SPINK1: variants seen among roughly 807,000 people sequenced by gnomAD.
SPINK1 encodes the protein serine protease inhibitor Kazal-type 1.
In SPINK1, 5 loss-of-function variants were observed where a neutral mutation model predicts 9.5. The ratio of observed to expected loss-of-function variants is 0.52; its 90% confidence interval spans 0.27 to 1.10. The LOEUF (loss-of-function observed/expected upper bound fraction) is 1.10. Among genes scored for constraint, SPINK1 ranks in the 50% least tolerant of loss-of-function variants. The pLI, the probability that SPINK1 is intolerant of heterozygous loss-of-function variation, is 0.11. For missense variants in SPINK1, 88 were observed against 92.7 expected, an observed-to-expected ratio of 0.95 and a Z score of 0.21; for synonymous variants, 37 against 32.3, an observed-to-expected ratio of 1.14 and a Z score of -0.49.
intron 1 of SPINK1, 25 bp from the exon 2 acceptor site, chr5:147,829,655 G>T (rs369957138): frequency 2.5e-6 from 4 of 1,608,906 alleles, no homozygotes; most frequent in Middle Eastern, 1.7e-4. Flanking sequence ...GATATGGTAA[G>T]TTGGGTCCTA....
upstream of SPINK1, among the ~76,000 whole-genome samples, chr5:147,835,110 A>G (rs991430059): frequency 6.6e-6 from 1 of 152,076 alleles, no homozygotes; most frequent in Admixed American, 6.6e-5. Flanking sequence ...GCAGACAACA[A>G]GTTAAAGAGG....
At position 147,831,621 on chromosome 5, in the gene SPINK1, A is replaced by C. The variant is rs1448285126; in HGVS notation, c.-44T>G. 6.2e-7 allele frequency: 1 copy of C among 1,610,602 alleles called. No homozygotes were observed. The highest frequency in any genetic ancestry group is 8.5e-7 in the Non-Finnish European group (1 of 1,178,830). On this transcript the variant is annotated 5_prime_UTR_variant, in exon 1 of 4. Coordinates refer to ENST00000296695, the MANE Select transcript of SPINK1 (RefSeq NM_001379610.1). ...AGAGGTCAGTTGAAAACTGCACCGC[A>C]CTTACCACGTCTCTTCAGAAGCCTG...
the SPINK1 span, among the ~76,000 whole-genome samples, chr5:147,838,716 G>A: frequency 9.9e-5 from 15 of 151,936 alleles, no homozygotes; most frequent in African/African-American, 3.6e-4. Context: ...CAAATCTTTG[G>A]TTTAGAGTCT....
chr5:147,829,460 G>A (rs1258441606), intron 2 of SPINK1, 139 bp downstream of exon 2: 2 of 763,408 alleles, frequency 2.6e-6, no homozygotes, highest in Non-Finnish European at 4.5e-6. Context: ...ACTACCATTT[G>A]CATTTCTCAC....
intron 1 of SPINK1, 58 bp from the exon 2 acceptor site, chr5:147,829,688 C>T (rs2127136165): frequency 6.7e-7 from 1 of 1,492,098 alleles, no homozygotes; most frequent in East Asian, 2.3e-5. Context: ...CAGATCTATT[C>T]TTCATCAGAA....
chr5:147,828,281 CA>C (rs1756448060), intron 2 of SPINK1, among the ~76,000 whole-genome samples, 153 bp from the exon 3 acceptor site: 1 of 152,152 alleles, frequency 6.6e-6, no homozygotes, highest in South Asian at 2.1e-4. Flanking sequence ...TATCTGGAGA[CA>C]GAAAACCTTG....
At position 147,828,004 on chromosome 5, in the gene SPINK1, A is replaced by G; in HGVS notation, c.194+18T>C. 1 of 1,579,780 alleles carries G rather than the reference A, an allele frequency of 6.3e-7. No individual in the cohort carries two copies. Reference sequence around the variant, plus strand: ...ACTTAAAATATATAGTTTAAAAGAAACTCAAGTTTGTACTCACCGATTTTC... The same window carrying G: ...ACTTAAAATATATAGTTTAAAAGAAGCTCAAGTTTGTACTCACCGATTTTC... On this transcript the variant is annotated intron_variant, in intron 3 of 3. Transcript: ENST00000296695.
rs1756511467 is a variant in SPINK1, at chr5:147,831,639, G to A, written c.-62C>T. On this transcript the variant is annotated 5_prime_UTR_variant, in exon 1 of 4. Coordinates refer to ENST00000296695, the MANE Select transcript of SPINK1 (RefSeq NM_001379610.1). ...GCACCGCACTTACCACGTCTCTTCA[G>A]AAGCCTGGGACTGGAAGGGTCATAT... 1 of 1,604,472 alleles carries A rather than the reference G, an allele frequency of 6.2e-7. No homozygotes were observed. The highest frequency in any genetic ancestry group is 8.5e-7 in the Non-Finnish European group (1 of 1,176,308).
chr5:147,835,005 G>T (rs1756573009), upstream of SPINK1, among the ~76,000 whole-genome samples: 1 of 151,928 alleles, frequency 6.6e-6, no homozygotes, highest in African/African-American at 2.4e-5. Context: ...CATATCCTAT[G>T]GACCCTAGAC....
upstream of SPINK1, among the ~76,000 whole-genome samples, chr5:147,836,279 A>G (rs1028520402): frequency 6.8e-6 from 1 of 147,548 alleles, no homozygotes; most frequent in Non-Finnish European, 1.5e-5. Context: ...AGATTAACAG[A>G]TATGGTATTT....
chr5:147,829,711 A>G (rs1756475853), intron 1 of SPINK1, 81 bp from the exon 2 acceptor site: 2 of 1,303,300 alleles, frequency 1.5e-6, no homozygotes, highest in South Asian at 1.2e-5. Context: ...CTCTGCTTTC[A>G]TTGCAGACTG....
chr5:147,830,460 A>G (rs1756489557), intron 1 of SPINK1, among the ~76,000 whole-genome samples: 1 of 152,180 alleles, frequency 6.6e-6, no homozygotes, highest in African/African-American at 2.4e-5. Flanking sequence ...CTGAGCAAAG[A>G]GGTAGTTCTT....
intron 1 of SPINK1, 124 bp from the exon 2 acceptor site, chr5:147,829,754 C>T: frequency 2.3e-6 from 2 of 884,854 alleles, no homozygotes; most frequent in South Asian, 2.8e-5. Context: ...CATTCCCCAC[C>T]CTTTCTGATT....
chr5:147,833,860 C>T (rs569846415), upstream of SPINK1, among the ~76,000 whole-genome samples: 1 of 152,222 alleles, frequency 6.6e-6, no homozygotes, highest in South Asian at 2.1e-4. Flanking sequence ...TCTTTATTCC[C>T]CAAGAGATTC....
chr5:147,832,902 T>A (rs1561607030), upstream of SPINK1, among the ~76,000 whole-genome samples: 2 of 152,186 alleles, frequency 1.3e-5, no homozygotes, highest in Admixed American at 1.3e-4. Flanking sequence ...ACAATCTCTG[T>A]CTTCATGGAG....
intron 3 of SPINK1, among the ~76,000 whole-genome samples, chr5:147,826,071 T>C (rs1411153060): frequency 1.3e-5 from 2 of 152,220 alleles, no homozygotes; most frequent in Non-Finnish European, 2.9e-5. Flanking sequence ...TAGAAGGTTC[T>C]ATTGGAGATG....
At chr5:147,828,396 C>A (rs1017422588) in intron 2 of SPINK1, among the ~76,000 whole-genome samples, 9 of 152,118 alleles carry the variant, frequency 5.9e-5, no homozygotes, top group African/African-American at 2.2e-4. Flanking sequence ...ATGATATTAC[C>A]ATTTCCCACC....
chr5:147,837,664 T>TCTTC, the SPINK1 span, among the ~76,000 whole-genome samples: 3 of 130,696 alleles, frequency 2.3e-5, no homozygotes, highest in Non-Finnish European at 4.9e-5. Flanking sequence ...TTTCTTTCTT[T>TCTTC]CTTTCTTTCT....
chr5:147,831,651 T>G lies in SPINK1; in HGVS notation c.-74A>C. 6.3e-7 allele frequency: 1 copy of G among 1,597,708 alleles called. No homozygotes were observed. The highest frequency in any genetic ancestry group is 8.5e-7 in the Non-Finnish European group (1 of 1,173,426). On this transcript the variant is annotated 5_prime_UTR_variant, in exon 1 of 4. Transcript: ENST00000296695. ...CCACGTCTCTTCAGAAGCCTGGGACTGGAAGGGTCATATGGCAGATGGCAG... is the reference window on the plus strand; with the variant it reads ...CCACGTCTCTTCAGAAGCCTGGGACGGGAAGGGTCATATGGCAGATGGCAG...
Sources: gnomAD v4.1 joint callset for allele counts (sites outside exome capture counted in the v4.1 genomes callset) on GRCh38, gnomAD v4.1.1 for gene constraint, MANE v1.5 for transcripts, NCBI Gene and HGNC (gene_info 2026-07-23, HGNC 2026-07-21) for gene names.